Variants in NFU1 observed in about 807,000 individuals in gnomAD.
The protein encoded by NFU1 is NFU1 iron-sulfur cluster scaffold homolog, mitochondrial.
Under a neutral mutation model 32.2 loss-of-function variants are expected in NFU1, and 30 were observed. The observed-to-expected ratio is 0.93, with a 90% CI of 0.70 to 1.26. The LOEUF (loss-of-function observed/expected upper bound fraction) is 1.26. Among genes scored for constraint, NFU1 ranks in the 50% most tolerant of loss-of-function variants. The probability of loss-of-function intolerance (pLI) is 0.00; values close to 1 mark genes in which losing one functional copy is unlikely to be tolerated. For synonymous variants in NFU1, 112 were observed against 104.6 expected (o/e 1.07, Z -0.43); for missense variants, 306 against 306.6 (o/e 1.00, Z 0.02).
intron 3 of NFU1, among the ~76,000 whole-genome samples, chr2:69,420,342 C>A (rs896078311): frequency 2.0e-5 from 3 of 152,190 alleles, no homozygotes; most frequent in Non-Finnish European, 4.4e-5. Flanking sequence ...GAGATTTTGC[C>A]AACTGAACAT....
intron 5 of NFU1, among the ~76,000 whole-genome samples, chr2:69,408,734 T>TTA (rs70954344): frequency 0.028 from 3,794 of 135,992 alleles, 77 homozygotes; most frequent in Middle Eastern, 0.041. Flanking sequence ...ATATAAAATT[T>TTA]TATATATATA....
At chr2:69,435,253 G>A (rs1673790893) in intron 1 of NFU1, among the ~76,000 whole-genome samples, 1 of 152,172 alleles carries the variant, frequency 6.6e-6, no homozygotes, top group Non-Finnish European at 1.5e-5. Context: ...CCCGGGAATG[G>A]GCAGTCTAGA....
At position 69,432,005 on chromosome 2, in the gene NFU1, C is replaced by G. The variant is rs1204885167; in HGVS notation, c.63G>C (p.Arg21=). The stretch of plus-strand genomic sequence containing the variant: ...ATGGATTCTTCAACATATGACAGAA[C>G]CTGCATTTAAAAGCACATAATGAAT... ...AAAVAAGLRR[R]FCHMLKNPYT... is the part of the protein sequence containing the mutation. The change falls in exon 2 of 8, where the codon CGG becomes CGC. Residue 21 remains arginine, a splice_region_variant and synonymous_variant. Coordinates refer to ENST00000410022, the MANE Select transcript of NFU1 (RefSeq NM_001002755.4). 6.3e-7 allele frequency: 1 copy of G among 1,597,288 alleles called. No individual in the cohort carries two copies. Among genetic ancestry groups the G allele is most frequent in the Non-Finnish European group, 8.6e-7 (1 of 1,164,892 alleles).
intron 2 of NFU1, among the ~76,000 whole-genome samples, chr2:69,430,217 CTTTT>C (rs113587680): frequency 2.1e-5 from 3 of 145,230 alleles, no homozygotes; most frequent in African/African-American, 2.6e-5. Context: ...ATATTTCTTC[CTTTT>C]TTTTTTTTTG....
upstream of NFU1, among the ~76,000 whole-genome samples, chr2:69,439,071 T>C (rs949577477): frequency 3.3e-5 from 5 of 151,872 alleles, no homozygotes; most frequent in African/African-American, 9.7e-5. Context: ...AATCCTGCCT[T>C]GCCCCAAATC....
In NFU1 at chr2:69,400,493, A is replaced by T. The variant is rs1216348059; in HGVS notation, c.591T>A (p.Phe197Leu). 1 of 1,614,138 alleles carries T rather than the reference A, an allele frequency of 6.2e-7. No individual in the cohort carries two copies. The highest frequency in any genetic ancestry group is 8.5e-7 in the Non-Finnish European group (1 of 1,180,010). Residue 197 changes from phenylalanine to leucine, a missense_variant, in exon 7 of 8, where the codon TTT becomes TTA. Physicochemically the swap from Phe to Leu is conservative, Grantham distance 22 (BLOSUM62 0). Coordinates refer to ENST00000410022, the MANE Select transcript of NFU1 (RefSeq NM_001002755.4). ...GTTTCAGCTGTACAATGCCATCTTC[A>T]AAGCCTTTGTAGATTACATCCCCTC... ...EDGGDVIYKG[F>L]EDGIVQLKLQ...
chr2:69,415,179 T>C lies in NFU1; in HGVS notation c.484+6A>G, dbSNP rs1673009364. 2 of 1,513,584 alleles carry C rather than the reference T, an allele frequency of 1.3e-6. No individual in the cohort carries two copies. Among genetic ancestry groups the C allele is most frequent in the Non-Finnish European group, 1.8e-6 (2 of 1,088,390 alleles). The allele number at this position is 1,513,584 out of a possible 1,614,324, so 93.8% of individuals were successfully genotyped here. A position where few individuals can be genotyped will look rare whatever the true frequency, so the allele number is the denominator to read the frequency against. ...CAAATTTTAATTACTCAATACAACA[T>C]GTTACCTGCTTCTCCTGAAGGTGTT... On this transcript the variant is annotated splice_donor_region_variant and intron_variant, in intron 5 of 7. Coordinates refer to ENST00000410022, the MANE Select transcript of NFU1 (RefSeq NM_001002755.4).
At chr2:69,417,998 G>T (rs1673112728) in intron 4 of NFU1, among the ~76,000 whole-genome samples, 1 of 152,096 alleles carries the variant, frequency 6.6e-6, no homozygotes, top group African/African-American at 2.4e-5. Context: ...ATAACTAGTT[G>T]TAAGAATTAG....
At chr2:69,405,825 G>A (rs929827931) in intron 6 of NFU1, among the ~76,000 whole-genome samples, 197 bp downstream of exon 6, 4 of 151,808 alleles carry the variant, frequency 2.6e-5, no homozygotes, top group African/African-American at 9.7e-5. Flanking sequence ...TAAATAAATT[G>A]GATGTTTTAA....
chr2:69,399,175 A>C (rs1416504940), intron 7 of NFU1: 1 of 291,972 alleles, frequency 3.4e-6, no homozygotes, highest in Non-Finnish European at 6.8e-6. Flanking sequence ...GTGTCACTGC[A>C]CTCCAGCCTG....
At chr2:69,402,605 GAGTTT>G in intron 6 of NFU1, among the ~76,000 whole-genome samples, 2 of 151,964 alleles carry the variant, frequency 1.3e-5, no homozygotes, top group Non-Finnish European at 2.9e-5. Flanking sequence ...TTTTAAGACG[GAGTTT>G]CGCTCTTGTT....
chr2:69,405,776 T>C (rs985533445), intron 6 of NFU1, among the ~76,000 whole-genome samples: 3 of 152,194 alleles, frequency 2.0e-5, no homozygotes, highest in Non-Finnish European at 4.4e-5. Flanking sequence ...CAAATCTAAA[T>C]TGAGACTGTG....
At chr2:69,417,633 A>G (rs1370832842) in intron 4 of NFU1, among the ~76,000 whole-genome samples, 1 of 152,146 alleles carries the variant, frequency 6.6e-6, no homozygotes, top group Non-Finnish European at 1.5e-5. Context: ...GCCTGGGGAA[A>G]CAGAGCAAGA....
intron 5 of NFU1, among the ~76,000 whole-genome samples, chr2:69,407,647 CCTGG>C (rs1251304919): frequency 6.8e-6 from 1 of 146,316 alleles, no homozygotes. Context: ...TGTATTCCAG[CCTGG>C]CTAACAGAGC....
chr2:69,430,568 C>T (rs1166678425), intron 2 of NFU1, among the ~76,000 whole-genome samples: 1 of 152,082 alleles, frequency 6.6e-6, no homozygotes, highest in Non-Finnish European at 1.5e-5. Context: ...TAGATGTAAA[C>T]TCCCCCAAAA....
intron 7 of NFU1, among the ~76,000 whole-genome samples, chr2:69,399,661 T>C (rs1044438907): frequency 2.6e-5 from 4 of 152,036 alleles, no homozygotes; most frequent in Non-Finnish European, 5.9e-5. Flanking sequence ...AGTAGAGTTC[T>C]TCCACTAAAG....
chr2:69,420,351 A>C (rs1574137113), intron 3 of NFU1, among the ~76,000 whole-genome samples: 1 of 152,226 alleles, frequency 6.6e-6, no homozygotes, highest in South Asian at 2.1e-4. Flanking sequence ...CCAACTGAAC[A>C]TCTGACAGAA....
intron 4 of NFU1, chr2:69,416,260 T>G (rs1007607119): frequency 6.7e-6 from 1 of 149,178 alleles, no homozygotes; most frequent in South Asian, 2.1e-4. Context: ...ATCTTAAAGA[T>G]CCCCCATTCA....
At chr2:69,418,141 G>A (rs372725073) in intron 4 of NFU1, among the ~76,000 whole-genome samples, 1 of 152,062 alleles carries the variant, frequency 6.6e-6, no homozygotes, top group Non-Finnish European at 1.5e-5. Context: ...GGTTCACACC[G>A]GTAATCCCAG....
Sources: gnomAD v4.1 joint callset for allele counts (sites outside exome capture counted in the v4.1 genomes callset) on GRCh38, gnomAD v4.1.1 for gene constraint, MANE v1.5 for transcripts, NCBI Gene and HGNC (gene_info 2026-07-23, HGNC 2026-07-21) for gene names.